SLC14A2: variants seen among roughly 807,000 people sequenced by gnomAD.
SLC14A2 encodes solute carrier family 14 member 2.
In SLC14A2, 91 loss-of-function variants were observed where a neutral mutation model predicts 104.6. That is an observed-to-expected ratio of 0.87 (90% CI 0.73 to 1.04). The LOEUF (loss-of-function observed/expected upper bound fraction) is 1.04. Among genes scored for constraint, SLC14A2 ranks in the 50% least tolerant of loss-of-function variants. The pLI, the probability that SLC14A2 is intolerant of heterozygous loss-of-function variation, is 0.00. For missense variants in SLC14A2, 1,189 were observed against 1,156.0 expected, an observed-to-expected ratio of 1.03 and a Z score of -0.41; for synonymous variants, 476 against 466.4, an observed-to-expected ratio of 1.02 and a Z score of -0.27.
chr18:45,399,600 T>A (rs888455426), intron 1 of SLC14A2, among the ~76,000 whole-genome samples: 29 of 152,148 alleles, frequency 1.9e-4, no homozygotes, highest in African/African-American at 7.0e-4. Context: ...CTGATTTTTT[T>A]CCCTTTTATT....
chr18:45,683,022 AG>A lies in SLC14A2; in HGVS notation c.*505del, dbSNP rs2046335799. The A allele has an allele frequency of 6.2e-6, 1 of 162,380 alleles. No homozygotes were observed. The highest frequency in any genetic ancestry group is 5.7e-5 in the Admixed American group (1 of 17,598). 10.1% of individuals were successfully genotyped at this position (162,380 alleles called of 1,614,324 possible). On this transcript the variant is annotated 3_prime_UTR_variant, in exon 20 of 20. Transcript: ENST00000255226. ...GGCAGGAGAATGGCGTGAACCCGGG[AG>A]GTGGAGCTTGCAGTGAGCCAAGATC...
chr18:45,274,931 A>G (rs1371146157), intron 1 of SLC14A2, among the ~76,000 whole-genome samples: 1 of 152,214 alleles, frequency 6.6e-6, no homozygotes, highest in Non-Finnish European at 1.5e-5. Flanking sequence ...TGATAGATGC[A>G]TTTGAAGGTC....
chr18:45,276,635 T>C (rs1194398943), intron 1 of SLC14A2, among the ~76,000 whole-genome samples: 3 of 152,244 alleles, frequency 2.0e-5, no homozygotes, highest in Non-Finnish European at 2.9e-5. Context: ...ACATTACCTA[T>C]GTTAACATTG....
intron 1 of SLC14A2, among the ~76,000 whole-genome samples, chr18:45,437,627 T>C (rs2086618040): frequency 1.3e-5 from 2 of 152,152 alleles, no homozygotes; most frequent in African/African-American, 4.8e-5. Flanking sequence ...AAGAACTCGG[T>C]CACCGCCCTC....
chr18:45,248,545 C>T (rs1190239921), intron 1 of SLC14A2, among the ~76,000 whole-genome samples: 1 of 152,130 alleles, frequency 6.6e-6, no homozygotes, highest in Non-Finnish European at 1.5e-5. Flanking sequence ...TGAGCTTGTT[C>T]AAACAAAGTC....
chr18:45,399,906 C>A (rs1329111927), intron 1 of SLC14A2, among the ~76,000 whole-genome samples: 1 of 152,140 alleles, frequency 6.6e-6, no homozygotes, highest in Non-Finnish European at 1.5e-5. Context: ...TCATCCTCAT[C>A]ACACTTGGCT....
chr18:45,551,122 G>C (rs1423650663), intron 2 of SLC14A2, among the ~76,000 whole-genome samples: 1 of 152,120 alleles, frequency 6.6e-6, no homozygotes, highest in African/African-American at 2.4e-5. Flanking sequence ...GTAGCCCTAA[G>C]TTCATTCTGT....
At chr18:45,278,854 T>C (rs964128327) in intron 1 of SLC14A2, among the ~76,000 whole-genome samples, 2 of 152,236 alleles carry the variant, frequency 1.3e-5, no homozygotes, top group African/African-American at 4.8e-5. Flanking sequence ...GGGTTTGGTT[T>C]ACTTTTCTAA....
Position 45,683,508 on chromosome 18 carries a change from T to C in SLC14A2, c.*989T>C, listed in dbSNP as rs1217316488. 1 of 152,206 alleles carries C rather than the reference T, an allele frequency of 6.6e-6. No homozygotes were observed. The highest frequency in any genetic ancestry group is 1.5e-5 in the Non-Finnish European group (1 of 68,026). The allele number at this position is 152,206 out of a possible 1,614,324, so 9.4% of individuals were successfully genotyped here. On this transcript the variant is annotated 3_prime_UTR_variant, in exon 20 of 20. Coordinates refer to ENST00000255226, the MANE Select transcript of SLC14A2 (RefSeq NM_007163.4). ...GTCATAGGAAAATGCTCTCCAGACG[T>C]GGGGTTAGGAACCTAAATTCACTGA... is the stretch of plus-strand genomic sequence containing the variant.
At chr18:45,240,119 C>T (rs1355151475) in intron 1 of SLC14A2, among the ~76,000 whole-genome samples, 2 of 104,584 alleles carry the variant, frequency 1.9e-5, no homozygotes, top group Admixed American at 1.1e-4. Context: ...TTTTTTTTGA[C>T]CGAGTCTCAC....
intron 7 of SLC14A2, 48 bp downstream of exon 7, chr18:45,639,941 G>T: frequency 6.4e-7 from 1 of 1,560,484 alleles, no homozygotes; most frequent in Non-Finnish European, 8.7e-7. Flanking sequence ...ATTCACTCAA[G>T]GTCACTTTTC....
At chr18:45,578,884 G>A (rs187205430) in intron 2 of SLC14A2, among the ~76,000 whole-genome samples, 116 of 152,332 alleles carry the variant, frequency 7.6e-4, no homozygotes, top group African/African-American at 2.6e-3. Context: ...TCTGGGGGCT[G>A]GCTGGTCTAG....
intron 1 of SLC14A2, among the ~76,000 whole-genome samples, chr18:45,621,778 C>A (rs767847975): frequency 4.7e-4 from 72 of 152,120 alleles, no homozygotes; most frequent in Non-Finnish European, 9.3e-4. Flanking sequence ...AATACCTGGT[C>A]CCATGAGAGT....
chr18:45,670,007 A>G (rs947356743), intron 16 of SLC14A2, among the ~76,000 whole-genome samples: 1 of 152,236 alleles, frequency 6.6e-6, no homozygotes, highest in Non-Finnish European at 1.5e-5. Flanking sequence ...ACATGCCTAT[A>G]GTCCCAGCTA....
intron 1 of SLC14A2, among the ~76,000 whole-genome samples, chr18:45,402,758 AGAGTT>A (rs1283940500): frequency 6.6e-6 from 1 of 152,224 alleles, no homozygotes; most frequent in Non-Finnish European, 1.5e-5. Flanking sequence ...AGTTAGTGAC[AGAGTT>A]GAGACCAGAG....
At chr18:45,510,437 C>G (rs1179316322) in intron 2 of SLC14A2, among the ~76,000 whole-genome samples, 1 of 152,202 alleles carries the variant, frequency 6.6e-6, no homozygotes, top group South Asian at 2.1e-4. Flanking sequence ...CCAGGCCCCT[C>G]TATGCGGCTC....
chr18:45,348,155 C>A lies in SLC14A2; in HGVS notation c.-125+134964C>A, dbSNP rs1258388693. 2.6e-5 allele frequency among the ~76,000 whole-genome samples: 4 copies of A among 152,184 alleles called. No homozygotes were observed. The South Asian group carries it at 8.3e-4, about 31-fold the overall frequency. On this transcript the variant is annotated intron_variant, in intron 1 of 20. Transcript: ENST00000586448. ...GAGTCTGCTTAACTCTTCTACCAGG[C>A]CTTGGATGCACTGGCTCAAAGCCTG...
Position 45,675,616 on chromosome 18 carries a change from G to A in SLC14A2, c.2512+1799G>A, listed in dbSNP as rs556290776. On this transcript the variant is annotated intron_variant, in intron 18 of 19. Coordinates refer to ENST00000255226, the MANE Select transcript of SLC14A2 (RefSeq NM_007163.4). ...TGCAGCCTCAACTTCCCAGGCTCAAGTGATCCTCCCACCTCAGCCTCCTGA... is the reference window on the plus strand; with the variant it reads ...TGCAGCCTCAACTTCCCAGGCTCAAATGATCCTCCCACCTCAGCCTCCTGA... Among the ~76,000 whole-genome samples the A allele has an allele frequency of 2.0e-5, 3 of 150,058 alleles. No homozygotes were observed. The East Asian group carries it at 5.9e-4, about 30-fold the overall frequency.
chr18:45,172,391 C>T, the SLC14A2 span, among the ~76,000 whole-genome samples: 1 of 152,082 alleles, frequency 6.6e-6, no homozygotes, highest in African/African-American at 2.4e-5. Flanking sequence ...CAGAAGTCAC[C>T]AAGGATTGAA....
Sources: gnomAD v4.1 joint callset for allele counts (sites outside exome capture counted in the v4.1 genomes callset) on GRCh38, gnomAD v4.1.1 for gene constraint, MANE v1.5 for transcripts, NCBI Gene and HGNC (gene_info 2026-07-23, HGNC 2026-07-21) for gene names.